HTR1F: variants seen among roughly 807,000 people sequenced by gnomAD.
HTR1F encodes the protein 5-hydroxytryptamine receptor 1F.
Under a neutral mutation model 24.0 loss-of-function variants are expected in HTR1F, and 17 were observed. The observed-to-expected ratio is 0.71, with a 90% CI of 0.48 to 1.06. The LOEUF is 1.06. Among genes scored for constraint, HTR1F ranks in the 50% least tolerant of loss-of-function variants. The pLI, the probability that HTR1F is intolerant of heterozygous loss-of-function variation, is 0.00. For missense variants in HTR1F, 391 were observed against 427.8 expected, an observed-to-expected ratio of 0.91 and a Z score of 0.76; for synonymous variants, 186 against 156.8, an observed-to-expected ratio of 1.19 and a Z score of -1.39.
At chr3:87,927,665 T>A (rs1704159814) in intron 2 of HTR1F, among the ~76,000 whole-genome samples, 1 of 152,208 alleles carries the variant, frequency 6.6e-6, no homozygotes, top group Non-Finnish European at 1.5e-5. Context: ...ATCTTTCTAA[T>A]CATTTGTACC....
At chr3:87,877,991 A>G (rs1476362807) in intron 2 of HTR1F, among the ~76,000 whole-genome samples, 7 of 152,156 alleles carry the variant, frequency 4.6e-5, no homozygotes, top group Non-Finnish European at 4.4e-5. Context: ...TTCTTCTAAA[A>G]TGCTTTACAA....
chr3:87,934,934 C>G (rs112162056), intron 2 of HTR1F, among the ~76,000 whole-genome samples: 1,660 of 152,288 alleles, frequency 0.011, 27 homozygotes, highest in African/African-American at 0.037. Context: ...GGCATCATCA[C>G]AGCTCACTGC....
intron 2 of HTR1F, among the ~76,000 whole-genome samples, chr3:87,830,571 C>T (rs559017065): frequency 6.6e-6 from 1 of 152,220 alleles, no homozygotes; most frequent in Non-Finnish European, 1.5e-5. Context: ...CTCGTGCTAT[C>T]TATGGAAATA....
chr3:87,805,327 G>A (rs1435307682), intron 1 of HTR1F, among the ~76,000 whole-genome samples: 1 of 152,018 alleles, frequency 6.6e-6, no homozygotes, highest in Non-Finnish European at 1.5e-5. Flanking sequence ...ATAGCAGTTT[G>A]AGTATAGATT....
intron 2 of HTR1F, among the ~76,000 whole-genome samples, chr3:87,949,090 T>C (rs1414784963): frequency 6.6e-6 from 1 of 152,188 alleles, no homozygotes; most frequent in Non-Finnish European, 1.5e-5. Context: ...AGTCTCAAAC[T>C]AGACTTGAAT....
chr3:87,982,738 G>A (rs1407532311), intron 2 of HTR1F, among the ~76,000 whole-genome samples: 1 of 152,172 alleles, frequency 6.6e-6, no homozygotes, highest in Admixed American at 6.5e-5. Context: ...ACATTTGTCT[G>A]GGTGAATTTC....
intron 2 of HTR1F, chr3:87,910,199 T>C (rs1018323594): frequency 1.3e-5 from 2 of 151,942 alleles, no homozygotes; most frequent in African/African-American, 4.8e-5. Flanking sequence ...TTGGCACCAA[T>C]TGCAACTTGA....
chr3:87,910,737 G>A (rs1461756174), intron 2 of HTR1F, among the ~76,000 whole-genome samples: 2 of 151,920 alleles, frequency 1.3e-5, no homozygotes, highest in Non-Finnish European at 2.9e-5. Context: ...ACAATCCTCA[G>A]CAAATTCAAA....
At chr3:87,899,770 C>G (rs1706282067) in intron 2 of HTR1F, among the ~76,000 whole-genome samples, 1 of 152,150 alleles carries the variant, frequency 6.6e-6, no homozygotes, top group African/African-American at 2.4e-5. Context: ...GAGGCTGAGG[C>G]AGGAGAATCG....
At chr3:87,961,731 A>G (rs770597030) in intron 2 of HTR1F, among the ~76,000 whole-genome samples, 2 of 151,890 alleles carry the variant, frequency 1.3e-5, no homozygotes, top group Non-Finnish European at 2.9e-5. Flanking sequence ...ACTCAAATCC[A>G]TTGTTTTCTT....
intron 2 of HTR1F, among the ~76,000 whole-genome samples, chr3:87,842,614 T>C (rs1163271638): frequency 2.6e-5 from 4 of 151,924 alleles, no homozygotes; most frequent in Non-Finnish European, 5.9e-5. Flanking sequence ...AAGTACTAAA[T>C]TGTTAAAGTC....
intron 2 of HTR1F, among the ~76,000 whole-genome samples, chr3:87,906,811 G>A (rs1427069873): frequency 6.6e-6 from 1 of 151,856 alleles, no homozygotes; most frequent in African/African-American, 2.4e-5. Context: ...TCATTCCTGA[G>A]TTACTTAGAA....
At chr3:87,834,928 G>T (rs1704652678) in intron 2 of HTR1F, among the ~76,000 whole-genome samples, 1 of 152,134 alleles carries the variant, frequency 6.6e-6, no homozygotes, top group Non-Finnish European at 1.5e-5. Flanking sequence ...CATATGGCCT[G>T]CAAAGTTGAA....
chr3:87,878,724 T>C (rs570998466), intron 2 of HTR1F, among the ~76,000 whole-genome samples: 2 of 152,022 alleles, frequency 1.3e-5, no homozygotes, highest in Non-Finnish European at 2.9e-5. Flanking sequence ...TGGAGGAAAG[T>C]AAAGAGAAAA....
intron 2 of HTR1F, among the ~76,000 whole-genome samples, chr3:87,861,400 C>G (rs941884879): frequency 3.3e-5 from 5 of 152,064 alleles, no homozygotes; most frequent in African/African-American, 1.2e-4. Context: ...GGATGAAGAG[C>G]TTTACCTCCT....
intron 2 of HTR1F, among the ~76,000 whole-genome samples, chr3:87,872,850 T>G (rs1379916058): frequency 6.6e-6 from 1 of 151,884 alleles, no homozygotes. Context: ...ACAGGACAAC[T>G]CCGCCAAACT....
chr3:87,886,743 GA>G (rs1243535446), intron 2 of HTR1F, among the ~76,000 whole-genome samples: 2 of 152,084 alleles, frequency 1.3e-5, no homozygotes, highest in African/African-American at 4.8e-5. Context: ...TTGCTACAGA[GA>G]ATAAAACACC....
chr3:87,928,602 A>G (rs1704185445), intron 2 of HTR1F, among the ~76,000 whole-genome samples: 1 of 152,178 alleles, frequency 6.6e-6, no homozygotes, highest in Non-Finnish European at 1.5e-5. Flanking sequence ...CATGGTGCAT[A>G]CATAATTATG....
intron 1 of HTR1F, chr3:87,793,539 GAGAA>G (rs1703852749): frequency 6.6e-6 from 1 of 152,154 alleles, no homozygotes; most frequent in South Asian, 2.1e-4. Context: ...TCAAGCAAAA[GAGAA>G]AGGGGGATCC....
Sources: allele counts gnomAD v4.1 joint callset (sites outside exome capture counted in the v4.1 genomes callset), GRCh38; gene constraint gnomAD v4.1.1; transcripts MANE v1.5; gene names NCBI Gene and HGNC (gene_info 2026-07-23, HGNC 2026-07-21).